The following HSPA12A variants were observed in gnomAD, a reference collection of about 807,000 sequenced individuals.
HSPA12A encodes the protein heat shock protein family A (Hsp70) member 12A, also known as heat shock 70 kDa protein 12A.
In HSPA12A, 28 loss-of-function variants were observed where a neutral mutation model predicts 69.2. That is an observed-to-expected ratio of 0.40 (90% CI 0.30 to 0.55). The LOEUF (loss-of-function observed/expected upper bound fraction) is 0.55, where lower values mean the gene tolerates loss of function less well. HSPA12A is among the 20% of genes least tolerant of loss of function. HSPA12A has a pLI of 0.38. For missense variants in HSPA12A, 686 were observed against 900.7 expected (o/e 0.76, Z 3.05); for synonymous variants, 345 against 370.5 (o/e 0.93, Z 0.79).
chr10:116,710,939 G>A lies in HSPA12A; in HGVS notation c.41-3654C>T, dbSNP rs1554882998. Among the ~76,000 whole-genome samples the A allele has an allele frequency of 1.3e-5, 2 of 152,184 alleles. No individual in the cohort carries two copies. Among genetic ancestry groups the A allele is most frequent in the African/African-American group, 2.4e-5 (1 of 41,442 alleles). On this transcript the variant is annotated intron_variant, in intron 1 of 11. Transcript: ENST00000369209. This position sits in a 1 kb window ranked among gnomAD's most constrained non-coding sequence, Gnocchi z 4.1. ...AAAAGCCTATCTCACCCCCTGAGGA[G>A]AATGGGGAGTTTAATTCTGATGTGT...
chr10:116,787,940 T>TGGAA (rs1412617731), intron 2 of HSPA12A, among the ~76,000 whole-genome samples: 1 of 151,740 alleles, frequency 6.6e-6, no homozygotes, highest in East Asian at 1.9e-4. Context: ...TGGTCTATGG[T>TGGAA]GGAAGTTGGG....
intron 1 of HSPA12A, among the ~76,000 whole-genome samples, chr10:116,729,481 T>G (rs1376609158): frequency 6.6e-6 from 1 of 152,164 alleles, no homozygotes; most frequent in African/African-American, 2.4e-5. Flanking sequence ...ACCCACCCCC[T>G]GCACAGTTAA....
intron 1 of HSPA12A, among the ~76,000 whole-genome samples, chr10:116,727,645 TG>T (rs1851012226): frequency 6.6e-6 from 1 of 152,202 alleles, no homozygotes; most frequent in Non-Finnish European, 1.5e-5. Flanking sequence ...AACAACCATT[TG>T]TTTTTTTACT....
chr10:116,724,478 C>A (rs978384213), intron 1 of HSPA12A, among the ~76,000 whole-genome samples: 1 of 152,116 alleles, frequency 6.6e-6, no homozygotes, highest in Admixed American at 6.5e-5. Flanking sequence ...AAAGAGAAGA[C>A]CCCCTTCCCC....
At chr10:116,840,196 T>C (rs1356869860) in intron 1 of HSPA12A, among the ~76,000 whole-genome samples, 1 of 152,220 alleles carries the variant, frequency 6.6e-6, no homozygotes, top group Non-Finnish European at 1.5e-5. Context: ...AAAAGACAAC[T>C]AATTTTCCAA....
rs574097427 is a variant in HSPA12A at position 116,672,767 on chromosome 10, A to G, written c.*2014T>C. 2 of 152,792 alleles carry G rather than the reference A, an allele frequency of 1.3e-5. No individual in the cohort carries two copies. The highest frequency in any genetic ancestry group is 2.1e-4 in the South Asian group (1 of 4,828). The allele number at this position is 152,792 out of a possible 1,614,324, so 9.5% of individuals were successfully genotyped here. The stretch of plus-strand genomic sequence containing the variant: ...TATTGAAAAGTCTTATTTGTAGAAT[A>G]TGGCTGGCAACAAAGAAAGACCCAT... On this transcript the variant is annotated 3_prime_UTR_variant, in exon 12 of 12. Transcript: ENST00000369209.
At chr10:116,801,258 T>C (rs553124009) in intron 2 of HSPA12A, among the ~76,000 whole-genome samples, 1 of 152,352 alleles carries the variant, frequency 6.6e-6, no homozygotes, top group Admixed American at 6.5e-5. Flanking sequence ...ATTAATTTTC[T>C]TCCTTTTTTA....
At chr10:116,739,815 G>A (rs782595753) in intron 1 of HSPA12A, among the ~76,000 whole-genome samples, 10 of 151,956 alleles carry the variant, frequency 6.6e-5, no homozygotes, top group Non-Finnish European at 1.0e-4. Context: ...ATGAACCGCC[G>A]CTCCCCATCA....
At chr10:116,679,784 G>A (rs781894611) in intron 9 of HSPA12A, 23 bp from the exon 10 acceptor site, 43 of 1,607,788 alleles carry the variant, frequency 2.7e-5, no homozygotes, top group Middle Eastern at 1.7e-4. Flanking sequence ...CAAAAAGGGA[G>A]GCCATGGTGT....
intron 1 of HSPA12A, among the ~76,000 whole-genome samples, chr10:116,713,753 G>A (rs1223862855): frequency 6.6e-6 from 1 of 152,136 alleles, no homozygotes; most frequent in African/African-American, 2.4e-5. Context: ...GAGAGGTGAA[G>A]ACACACTTGC....
chr10:116,742,065 G>T (rs574501288), intron 1 of HSPA12A, among the ~76,000 whole-genome samples: 139 of 151,630 alleles, frequency 9.2e-4, no homozygotes, highest in Non-Finnish European at 1.5e-3. Context: ...GCCGGCCTCC[G>T]CAGCCCATCG....
At chr10:116,832,874 T>G (rs1444822328) in intron 2 of HSPA12A, 1 of 152,204 alleles carries the variant, frequency 6.6e-6, no homozygotes, top group African/African-American at 2.4e-5. Flanking sequence ...TAACCTTCCT[T>G]TGATAAAATC....
At chr10:116,727,001 A>C (rs1554885123) in intron 1 of HSPA12A, among the ~76,000 whole-genome samples, 1 of 151,988 alleles carries the variant, frequency 6.6e-6, no homozygotes, top group African/African-American at 2.4e-5. Flanking sequence ...TGCCCCCGTC[A>C]AAAAACTGTG....
intron 4 of HSPA12A, 74 bp from the exon 5 acceptor site, chr10:116,698,813 C>G: frequency 8.6e-7 from 1 of 1,163,448 alleles, no homozygotes; most frequent in African/African-American, 1.5e-5. Flanking sequence ...GGGGACTGCT[C>G]CAAGGGGACC....
Position 116,679,517 on chromosome 10 carries a change from G to A in HSPA12A, c.1272C>T (p.Ala424=), listed in dbSNP as rs781839610. Residue 424 remains alanine, a synonymous_variant, in exon 10 of 12, where the codon GCC becomes GCT. Coordinates refer to ENST00000369209, the MANE Select transcript of HSPA12A (RefSeq NM_025015.3). ...KKFRGHSVEH[A]LRKSNVDFVK... is the part of the protein sequence containing the mutation. ...GCCCAACTCACTTGCTTTTCCGCAA[G>A]GCGTGCTCCACACTGTGCCCGCGGA... 3 of 1,613,818 alleles carry A rather than the reference G, an allele frequency of 1.9e-6. No individual in the cohort carries two copies.
intron 1 of HSPA12A, among the ~76,000 whole-genome samples, chr10:116,734,665 T>TTG (rs33990002): frequency 6.7e-6 from 1 of 149,832 alleles, no homozygotes; most frequent in Non-Finnish European, 1.5e-5. Context: ...TTTTTTTTTT[T>TTG]GCTTTTTTCA....
intron 1 of HSPA12A, among the ~76,000 whole-genome samples, chr10:116,835,946 G>A (rs551110737): frequency 1.1e-4 from 17 of 152,302 alleles, no homozygotes; most frequent in African/African-American, 3.8e-4. Context: ...CAGAAAGAGA[G>A]TGAAAATGCT....
chr10:116,699,852 G>A (rs1850028741), intron 4 of HSPA12A, among the ~76,000 whole-genome samples: 1 of 152,252 alleles, frequency 6.6e-6, no homozygotes, highest in South Asian at 2.1e-4. Context: ...AACTTGGTCT[G>A]CACCATAGAA....
In HSPA12A at chr10:116,671,905, T is replaced by C. The variant is rs1370631337; in HGVS notation, c.*2876A>G. The C allele has an allele frequency of 1.3e-5, 2 of 152,422 alleles. No individual in the cohort carries two copies. The highest frequency in any genetic ancestry group is 2.9e-5 in the Non-Finnish European group (2 of 68,002). The allele number at this position is 152,422 out of a possible 1,614,324, so 9.4% of individuals were successfully genotyped here. A position where few individuals can be genotyped will look rare whatever the true frequency, so the allele number is the denominator to read the frequency against. On this transcript the variant is annotated 3_prime_UTR_variant, in exon 12 of 12. Coordinates refer to ENST00000369209, the MANE Select transcript of HSPA12A (RefSeq NM_025015.3). Reference sequence around the variant, plus strand: ...GTGCTCTTATTCTAGAATATTCCAGTGGGGGTAGGGAAGGAGGGATGGATT... The same window carrying C: ...GTGCTCTTATTCTAGAATATTCCAGCGGGGGTAGGGAAGGAGGGATGGATT...
Sources: gnomAD v4.1 joint callset for allele counts (sites outside exome capture counted in the v4.1 genomes callset) on GRCh38, gnomAD v4.1.1 for gene constraint, Gnocchi (gnomAD v3.1) non-coding constraint, MANE v1.5 for transcripts, NCBI Gene and HGNC (gene_info 2026-07-23, HGNC 2026-07-21) for gene names.